Variants in PPP1R21 observed in about 807,000 individuals in gnomAD.
PPP1R21 encodes the protein protein phosphatase 1 regulatory subunit 21.
PPP1R21 carries 85 observed loss-of-function variants against 112.8 expected under a neutral mutation model. The ratio of observed to expected loss-of-function variants is 0.75; its 90% CI spans 0.63 to 0.90. The LOEUF (loss-of-function observed/expected upper bound fraction) is 0.90, where lower values mean the gene tolerates loss of function less well. PPP1R21 is among the 40% of genes least tolerant of loss of function. The pLI is 0.00. For synonymous variants in PPP1R21, 381 were observed against 322.3 expected, an observed-to-expected ratio of 1.18 and a Z score of -1.95; for missense variants, 1,199 against 901.5, an observed-to-expected ratio of 1.33 and a Z score of -4.23.
rs780638881 is a variant in PPP1R21, at chr2:48,474,720, G to C, written c.1126G>C (p.Ala376Pro). 5.0e-6 allele frequency: 8 copies of C among 1,613,070 alleles called. No homozygotes were observed. The Admixed American group carries it at 1.3e-4, about 27-fold the overall frequency. ...EECESSLCTS[A>P]LRARNLELSQ... ...ATGTGAATCCTCTCTTTGCACATCTGCGTTAAGAGCCAGGAATCTAGAGCT... is the reference window on the plus strand; with the variant it reads ...ATGTGAATCCTCTCTTTGCACATCTCCGTTAAGAGCCAGGAATCTAGAGCT... The change falls in exon 12 of 22, where the codon GCG becomes CCG. Residue 376 changes from alanine to proline, a missense_variant. Transcript: ENST00000294952.
chr2:48,443,855 C>T (rs1246048028), intron 1 of PPP1R21, among the ~76,000 whole-genome samples: 5 of 152,206 alleles, frequency 3.3e-5, no homozygotes, highest in African/African-American at 1.2e-4. Flanking sequence ...AATTTTTCTG[C>T]CTTATTTAGG....
intron 13 of PPP1R21, among the ~76,000 whole-genome samples, chr2:48,483,619 G>T (rs1669134898): frequency 6.6e-6 from 1 of 152,176 alleles, no homozygotes; most frequent in African/African-American, 2.4e-5. Flanking sequence ...GCAAAGTAGT[G>T]CACATAGTAT....
intron 3 of PPP1R21, among the ~76,000 whole-genome samples, chr2:48,456,087 G>A (rs1667713667): frequency 6.6e-6 from 1 of 150,622 alleles, no homozygotes; most frequent in Non-Finnish European, 1.5e-5. Context: ...TACTGCAGAT[G>A]TAATTTCTTA....
intron 15 of PPP1R21, among the ~76,000 whole-genome samples, chr2:48,491,387 G>T (rs188668012): frequency 6.6e-6 from 1 of 152,040 alleles, no homozygotes; most frequent in Non-Finnish European, 1.5e-5. Context: ...AGGCCATGTT[G>T]GACTCATGTC....
chr2:48,477,836 TC>T (rs1668827413), intron 12 of PPP1R21, among the ~76,000 whole-genome samples: 1 of 152,080 alleles, frequency 6.6e-6, no homozygotes, highest in Non-Finnish European at 1.5e-5. Context: ...TTGAATTGTG[TC>T]CCCCAAAATA....
In PPP1R21 at chr2:48,441,145, C is replaced by T. The variant is rs570450709; in HGVS notation, c.57+135C>T. On this transcript the variant is annotated intron_variant, in intron 1 of 21. Transcript: ENST00000294952. ...CCCCACCTTTCCCCTCAGCCGTCTC[C>T]GTCCACCATTACGGTGCCTCCACCT... The T allele has an allele frequency of 8.6e-5, 59 of 688,660 alleles. 1 individual carries two copies. The highest frequency in any genetic ancestry group is 8.5e-4 in the South Asian group (54 of 63,174). The allele number at this position is 688,660 out of a possible 1,614,324, so 42.7% of individuals were successfully genotyped here. A position where few individuals can be genotyped will look rare whatever the true frequency, so the allele number is the denominator to read the frequency against.
chr2:48,508,992 C>T (rs1472823372), intron 19 of PPP1R21, among the ~76,000 whole-genome samples: 2 of 152,196 alleles, frequency 1.3e-5, no homozygotes, highest in Non-Finnish European at 2.9e-5. Flanking sequence ...CTTATGTTGA[C>T]ATAGCATTTG....
rs1203728509 is a variant in PPP1R21, at chr2:48,507,349, G to A, written c.2049G>A (p.Gln683=). 2 of 1,596,390 alleles carry A rather than the reference G, an allele frequency of 1.3e-6. No homozygotes were observed. Among genetic ancestry groups the A allele is most frequent in the Non-Finnish European group, 1.7e-6 (2 of 1,174,560 alleles). ...ARIVELTSQL[Q]LADSKSVHFY... ...TAGTGGAACTTACGTCTCAGTTGCAGCTGGCTGACAGTAAGTCAGTGCATT... is the reference window on the plus strand; with the variant it reads ...TAGTGGAACTTACGTCTCAGTTGCAACTGGCTGACAGTAAGTCAGTGCATT... The change falls in exon 19 of 22, where the codon CAG becomes CAA. Residue 683 remains glutamine (Q), a synonymous_variant. Coordinates refer to ENST00000294952, the MANE Select transcript of PPP1R21 (RefSeq NM_001135629.3).
intron 15 of PPP1R21, among the ~76,000 whole-genome samples, chr2:48,495,014 A>G (rs1669762749): frequency 6.6e-6 from 1 of 152,058 alleles, no homozygotes; most frequent in Admixed American, 6.5e-5. Flanking sequence ...CCAATTTTAT[A>G]ATAGTGTTGA....
chr2:48,507,850 C>T (rs919985905), intron 19 of PPP1R21, among the ~76,000 whole-genome samples: 1 of 143,412 alleles, frequency 7.0e-6, no homozygotes, highest in Non-Finnish European at 1.5e-5. Context: ...AGTACAACCT[C>T]CGCCTCCTGG....
Position 48,488,689 on chromosome 2 carries a change from A to G in PPP1R21, c.1446+1931A>G, listed in dbSNP as rs144992887. 5.2e-3 allele frequency among the ~76,000 whole-genome samples: 792 copies of G among 152,336 alleles called. 2 individuals are homozygous for G. The highest frequency in any genetic ancestry group is 9.1e-3 in the Non-Finnish European group (621 of 68,034). ...AACCGTAAAATGTCATCTCAAGGAA[A>G]GATATCTGATCTTCACTCTGGAATT... On this transcript the variant is annotated intron_variant, in intron 14 of 21. Transcript: ENST00000294952.
intron 12 of PPP1R21, among the ~76,000 whole-genome samples, chr2:48,476,435 G>T (rs1371956375): frequency 6.6e-6 from 1 of 152,152 alleles, no homozygotes; most frequent in Non-Finnish European, 1.5e-5. Context: ...TTTCTTTGTG[G>T]ACATCTCTTT....
In PPP1R21 at chr2:48,454,600, A is replaced by G. The variant is rs1391223774; in HGVS notation, c.132A>G (p.Gln44=). 2 of 1,614,038 alleles carry G rather than the reference A, an allele frequency of 1.2e-6. No homozygotes were observed. The highest frequency in any genetic ancestry group is 1.1e-5 in the South Asian group (1 of 91,092). The change falls in exon 3 of 22, where the codon CAA becomes CAG. Residue 44 remains glutamine, a synonymous_variant. Coordinates refer to ENST00000294952, the MANE Select transcript of PPP1R21 (RefSeq NM_001135629.3). The part of the protein sequence containing the change: ...EQANSAALKE[Q]LKMKDQSLRK... ...CTGTTTTCACTTTGATATAGGAGCA[A>G]CTGAAAATGAAGGATCAGTCATTGA...
At chr2:48,480,206 A>G (rs1432879967) in intron 13 of PPP1R21, among the ~76,000 whole-genome samples, 190 bp downstream of exon 13, 2 of 152,376 alleles carry the variant, frequency 1.3e-5, no homozygotes, top group East Asian at 3.9e-4. Context: ...GGAGGTAAAC[A>G]AAGTGCTGAA....
At chr2:48,462,024 C>G (rs1239098598) in intron 7 of PPP1R21, among the ~76,000 whole-genome samples, 1 of 152,166 alleles carries the variant, frequency 6.6e-6, no homozygotes, top group Non-Finnish European at 1.5e-5. Flanking sequence ...TTGAAAATAA[C>G]ACCTGCTTCT....
Position 48,451,092 on chromosome 2 carries a change from T to G in PPP1R21, c.126+16T>G, listed in dbSNP as rs1261674498. On this transcript the variant is annotated intron_variant, in intron 2 of 21. Transcript: ENST00000294952. ...AGCTTTAAAGGTGGGCAACAGGATA[T>G]TTGTGTTGTGAGGGTTAAGTTAGCA... 6.2e-7 allele frequency: 1 copy of G among 1,607,536 alleles called. No individual in the cohort carries two copies. The highest frequency in any genetic ancestry group is 1.1e-5 in the South Asian group (1 of 90,898).
chr2:48,464,627 G>T (rs1668119881), intron 7 of PPP1R21, among the ~76,000 whole-genome samples: 1 of 152,170 alleles, frequency 6.6e-6, no homozygotes, highest in Non-Finnish European at 1.5e-5. Context: ...ACTGAAAACA[G>T]CAAGAACGTC....
At chr2:48,444,777 C>G (rs1667175298) in intron 1 of PPP1R21, among the ~76,000 whole-genome samples, 1 of 151,994 alleles carries the variant, frequency 6.6e-6, no homozygotes, top group Non-Finnish European at 1.5e-5. Flanking sequence ...TGATTGGATT[C>G]ATGCTAACAT....
chr2:48,447,521 A>G (rs988528496), intron 1 of PPP1R21, among the ~76,000 whole-genome samples: 5 of 152,164 alleles, frequency 3.3e-5, no homozygotes, highest in African/African-American at 1.2e-4. Flanking sequence ...TGTCATATGC[A>G]TTGGTGTCTC....
Sources: allele counts gnomAD v4.1 joint callset (sites outside exome capture counted in the v4.1 genomes callset), GRCh38; gene constraint gnomAD v4.1.1; transcripts MANE v1.5; gene names NCBI Gene and HGNC (gene_info 2026-07-23, HGNC 2026-07-21).